FAM187A: variants seen among roughly 807,000 people sequenced by gnomAD.
FAM187A encodes family with sequence similarity 187 member A.
A neutral mutation model predicts 6.4 loss-of-function variants in FAM187A; 4 were observed. The observed-to-expected ratio is 0.63, with a 90% CI of 0.31 to 1.44. FAM187A has a LOEUF of 1.44. Ranked by LOEUF, FAM187A falls within the 40% of genes most tolerant of loss-of-function variation. FAM187A has a pLI of 0.07. For missense variants in FAM187A, 463 were observed against 542.2 expected (o/e 0.85, Z 1.45); for synonymous variants, 221 against 213.4 (o/e 1.04, Z -0.31).
exon 4 of FAM187A, chr17:44,904,724 G>A: frequency 6.4e-7 from 1 of 1,550,578 alleles, no homozygotes; most frequent in South Asian, 1.2e-5. Flanking sequence ...GCATGCAGTG[G>A]CCTGGGACAA....
chr17:44,905,067 C>T (rs746549043), exon 4 of FAM187A: 2 of 1,535,320 alleles, frequency 1.3e-6, no homozygotes, highest in African/African-American at 1.4e-5. Context: ...AGCTTCTCCC[C>T]CTAGGAGCTC....
chr17:44,904,566 C>T lies in FAM187A; in HGVS notation c.737C>T (p.Thr246Ile), dbSNP rs1567767643. 1.9e-6 allele frequency: 3 copies of T among 1,550,590 alleles called. No individual in the cohort carries two copies. The African/African-American group carries it at 4.1e-5, about 21-fold the overall frequency. ...AGCTGCTTAGTACCCTGTGAGAAGA[C>T]AAAGACCATCCGGGAGGGCGTGCTG... Residue 246 changes from threonine (T) to isoleucine (I), a missense_variant, in exon 4 of 4, where the codon ACA (threonine) becomes ATA (isoleucine). Thr to Ile is a moderately conservative substitution (Grantham distance 89). Coordinates refer to ENST00000331733, the Ensembl canonical transcript of FAM187A.
At chr17:44,904,864 C>G in exon 4 of FAM187A, 3 of 1,550,664 alleles carry the variant, frequency 1.9e-6, no homozygotes, top group Non-Finnish European at 2.6e-6. Flanking sequence ...TCTACTATTG[C>G]TGGAGGCAGG....
chr17:44,905,097 G>A lies in FAM187A; in HGVS notation c.*26G>A, dbSNP rs1166005820. ...GAGCTCTCTTCAGCTCTGAAGACCA[G>A]TTGTCCTTCAATGTGTTTGTTAAAT... On this transcript the variant is annotated 3_prime_UTR_variant, in exon 4 of 4. Transcript: ENST00000331733. 1.7e-5 allele frequency: 25 copies of A among 1,484,896 alleles called. No individual in the cohort carries two copies. In the South Asian group the frequency reaches 3.3e-4, roughly 19 times the overall value. The allele number at this position is 1,484,896 out of a possible 1,614,324, so 92.0% of individuals were successfully genotyped here. A position where few individuals can be genotyped will look rare whatever the true frequency, so the allele number is the denominator to read the frequency against.
exon 4 of FAM187A, chr17:44,904,577 C>A: frequency 6.4e-7 from 1 of 1,550,566 alleles, no homozygotes; most frequent in South Asian, 1.2e-5. Flanking sequence ...AAAGACCATC[C>A]GGGAGGGCGT....
chr17:44,903,508 G>A (rs948320568), exon 4 of FAM187A: 7 of 1,280,810 alleles, frequency 5.5e-6, no homozygotes, highest in Admixed American at 3.7e-5. Flanking sequence ...ACCTCGGCCC[G>A]CCCTTCTCAT....
exon 4 of FAM187A, chr17:44,904,159 G>A (rs899498764): frequency 6.5e-7 from 1 of 1,550,386 alleles, no homozygotes; most frequent in South Asian, 1.2e-5. Context: ...TGTTCAGCTT[G>A]TTGGTTTTCA....
exon 4 of FAM187A, chr17:44,905,361 G>C: frequency 2.4e-6 from 1 of 418,016 alleles, no homozygotes; most frequent in East Asian, 4.8e-5. Flanking sequence ...GATTTATCCA[G>C]TGGTAAACAC....
exon 4 of FAM187A, chr17:44,904,857 A>G (rs1274862747): frequency 6.4e-7 from 1 of 1,550,482 alleles, no homozygotes; most frequent in Admixed American, 2.0e-5. Flanking sequence ...CGGGGCATCT[A>G]CTATTGCTGG....
chr17:44,903,600 C>T, exon 4 of FAM187A: 7 of 1,401,878 alleles, frequency 5.0e-6, no homozygotes, highest in Non-Finnish European at 5.5e-6. Flanking sequence ...AATGGCTTTC[C>T]CCCCCCACCC....
chr17:44,904,604 T>C lies in FAM187A; in HGVS notation c.775T>C (p.Tyr259His), dbSNP rs2051622209. 7.1e-6 allele frequency: 11 copies of C among 1,550,466 alleles called. No homozygotes were observed. The East Asian group carries it at 2.7e-4, about 38-fold the overall frequency. Reference sequence around the variant, plus strand: ...GGAGGGCGTGCTGGCCATCATTAACTATGTGTCCAAAGTGGGCAGCCGGCC... The same window carrying C: ...GGAGGGCGTGCTGGCCATCATTAACCATGTGTCCAAAGTGGGCAGCCGGCC... Residue 259 changes from tyrosine (Y) to histidine (H), a missense_variant, in exon 4 of 4, where the codon TAT becomes CAT. Tyr to His is a moderately conservative substitution (Grantham distance 83, BLOSUM62 2). Transcript: ENST00000331733.
rs527426539 is a variant in FAM187A at position 44,904,372 on chromosome 17, C to T, written c.543C>T (p.Cys181=). The change falls in exon 4 of 4, where the codon TGC becomes TGT. Residue 181 remains cysteine (C), a synonymous_variant. Coordinates refer to ENST00000331733, the Ensembl canonical transcript of FAM187A. ...GGGAATGGACCCCCTGTGACCGCTGCGGAGTGCGTGGGGAGCAGTGGCGCA... is the reference window on the plus strand; with the variant it reads ...GGGAATGGACCCCCTGTGACCGCTGTGGAGTGCGTGGGGAGCAGTGGCGCA... The T allele has an allele frequency of 2.5e-4, 392 of 1,543,438 alleles. 1 individual carries two copies. The African/African-American group carries it at 4.6e-3, about 18-fold the overall frequency.
At chr17:44,903,959 C>G in exon 4 of FAM187A, 1 of 1,550,610 alleles carries the variant, frequency 6.4e-7, no homozygotes, top group Non-Finnish European at 8.7e-7. Context: ...TGCAGCCTAC[C>G]TGGCCGACAT....
At position 44,903,872 on chromosome 17, in the gene FAM187A, C is replaced by CT; in HGVS notation, c.44dup (p.Gln16ProfsTer4). The stretch of plus-strand genomic sequence containing the variant: ...CACTGTGCTCCTGTGGGCATGGGGG[C>CT]TCCAGGCCTTTGAAATTGTGGAGAA... On this transcript the variant is annotated frameshift_variant, in exon 4 of 4. Coordinates refer to ENST00000331733, the Ensembl canonical transcript of FAM187A. LOFTEE classifies it high-confidence loss of function. 7.3e-7 allele frequency: 1 copy of CT among 1,367,810 alleles called. No individual in the cohort carries two copies. Among genetic ancestry groups the CT allele is most frequent in the Non-Finnish European group, 9.9e-7 (1 of 1,013,054 alleles). 84.7% of individuals were successfully genotyped at this position (1,367,810 alleles called of 1,614,324 possible).
At chr17:44,904,083 G>A (rs773383135) in exon 4 of FAM187A, 13 of 1,550,514 alleles carry the variant, frequency 8.4e-6, no homozygotes, top group South Asian at 4.8e-5. Context: ...TTTGATGGGC[G>A]GGTGCTGACG....
At chr17:44,904,793 G>A (rs976896886) in exon 4 of FAM187A, 2 of 1,550,616 alleles carry the variant, frequency 1.3e-6, no homozygotes, top group East Asian at 2.4e-5. Flanking sequence ...GTCCATGAGG[G>A]TGTTCATTGA....
exon 4 of FAM187A, chr17:44,903,769 C>T: frequency 6.7e-7 from 1 of 1,485,912 alleles, no homozygotes; most frequent in Admixed American, 2.4e-5. Flanking sequence ...TTTCTAGGAG[C>T]CCTATGAGCC....
chr17:44,903,732 C>A lies in FAM187A; in HGVS notation c.-98C>A, dbSNP rs891508585. On this transcript the variant is annotated 5_prime_UTR_variant, in exon 4 of 4. Transcript: ENST00000331733. ...TTTCCTGGCTGCATAATCCTTTCCT[C>A]ATCTAGAGGCTTCCGCTTAGCAGAG... 14 of 1,451,370 alleles carry A rather than the reference C, an allele frequency of 9.6e-6. No homozygotes were observed. In the African/African-American group the frequency reaches 1.9e-4, roughly 19 times the overall value. The allele number at this position is 1,451,370 out of a possible 1,614,324, so 89.9% of individuals were successfully genotyped here. A position where few individuals can be genotyped will look rare whatever the true frequency, so the allele number is the denominator to read the frequency against.
chr17:44,904,051 C>T (rs1042861543), exon 4 of FAM187A: 6 of 1,550,530 alleles, frequency 3.9e-6, no homozygotes, highest in Admixed American at 3.9e-5. Flanking sequence ...TAGGTAGCAG[C>T]CACACCAAAG....
Sources: allele counts gnomAD v4.1 joint callset, GRCh38; gene constraint gnomAD v4.1.1; transcripts MANE v1.5; gene names NCBI Gene and HGNC (gene_info 2026-07-23, HGNC 2026-07-21).